The following LCOR variants were observed in gnomAD, a reference collection of about 807,000 sequenced individuals.
LCOR encodes ligand-dependent corepressor.
A neutral mutation model predicts 64.4 loss-of-function variants in LCOR; 14 were observed. The ratio of observed to expected loss-of-function variants is 0.22; its 90% CI spans 0.14 to 0.34. LCOR has a LOEUF of 0.34. Ranked by LOEUF, LCOR falls within the 10% of genes least tolerant of loss-of-function variation. LCOR has a pLI of 1.00. For synonymous variants in LCOR, 643 were observed against 642.5 expected, an observed-to-expected ratio of 1.00 and a Z score of -0.01; for missense variants, 1,686 against 1,765.3, an observed-to-expected ratio of 0.96 and a Z score of 0.80.
chr10:96,886,669 C>T (rs1846349379), intron 2 of LCOR, among the ~76,000 whole-genome samples: 1 of 146,818 alleles, frequency 6.8e-6, no homozygotes, highest in South Asian at 2.1e-4. Flanking sequence ...ATGGCATGAC[C>T]TTATACTTAC....
intron 2 of LCOR, among the ~76,000 whole-genome samples, chr10:96,887,809 T>A (rs1473213616): frequency 2.7e-5 from 4 of 150,898 alleles, no homozygotes; most frequent in Admixed American, 6.6e-5. Flanking sequence ...GCCTCCCGAG[T>A]AGCTGTGATT....
intron 2 of LCOR, among the ~76,000 whole-genome samples, chr10:96,901,907 C>G (rs1046377898): frequency 1.3e-5 from 2 of 152,098 alleles, no homozygotes; most frequent in African/African-American, 4.8e-5. Flanking sequence ...GTAGTTGGGA[C>G]TACAGGTGTG....
At chr10:96,975,992 G>A (rs190872828) in intron 7 of LCOR, among the ~76,000 whole-genome samples, 4 of 152,238 alleles carry the variant, frequency 2.6e-5, no homozygotes, top group Admixed American at 1.3e-4. Context: ...TCCAGCCTAG[G>A]CAACAACAGC....
intron 4 of LCOR, chr10:96,915,675 T>C: frequency 1.3e-6 from 1 of 790,584 alleles, no homozygotes; most frequent in Non-Finnish European, 2.2e-6. Flanking sequence ...CCTGGTCTGA[T>C]TTGGCATTTC....
chr10:96,982,462 T>C lies in LCOR; in HGVS notation c.2002T>C (p.Cys668Arg). The change falls in exon 8 of 8, where the codon TGT (cysteine) becomes CGT (arginine). Residue 668 changes from cysteine (C) to arginine (R), a missense_variant. Physicochemically the swap from Cys to Arg is radical, Grantham distance 180 (BLOSUM62 -3). Transcript: ENST00000421806. ...GGAGGAGATGAGTGTACCCCAGGAC[T>C]GTCACCTCCTTCCCTCCACTGAAAG... ...DTEEMSVPQD[C>R]HLLPSTESFS... 6.2e-7 allele frequency: 1 copy of C among 1,614,226 alleles called. No homozygotes were observed. Among genetic ancestry groups the C allele is most frequent in the Admixed American group, 1.7e-5 (1 of 60,034 alleles).
chr10:96,881,034 TGACTG>T (rs889648916), intron 2 of LCOR, among the ~76,000 whole-genome samples: 2 of 152,242 alleles, frequency 1.3e-5, no homozygotes. Context: ...AGGCTCATCT[TGACTG>T]GTCTGTTTTT....
chr10:96,865,192 T>G (rs990313949), intron 2 of LCOR, among the ~76,000 whole-genome samples: 10 of 152,198 alleles, frequency 6.6e-5, no homozygotes, highest in Non-Finnish European at 1.5e-4. Context: ...TATAAAAATT[T>G]ATATTTTCGT....
chr10:96,969,442 C>T (rs973238669), intron 7 of LCOR, among the ~76,000 whole-genome samples: 1 of 152,148 alleles, frequency 6.6e-6, no homozygotes, highest in Non-Finnish European at 1.5e-5. Context: ...GTAGAAGATG[C>T]TTAAGATTAG....
At chr10:96,886,740 A>G (rs1846350659) in intron 2 of LCOR, among the ~76,000 whole-genome samples, 1 of 152,218 alleles carries the variant, frequency 6.6e-6, no homozygotes. Context: ...TGTAAACTCT[A>G]CATCTTTTCC....
Position 96,837,743 on chromosome 10 carries a change from T to C in LCOR, c.-330+4264T>C, listed in dbSNP as rs150736480. Among the ~76,000 whole-genome samples the C allele has an allele frequency of 4.8e-4, 73 of 152,360 alleles. 2 individuals carry two copies. In the East Asian group the frequency reaches 0.013, roughly 28 times the overall value. On this transcript the variant is annotated intron_variant, in intron 2 of 7. Transcript: ENST00000421806. Reference sequence around the variant, plus strand: ...TTGGTATTTGGAAAGAGTCAAAAAGTATTTGCTGTGAAATGTGGCAATTAA... The same window carrying C: ...TTGGTATTTGGAAAGAGTCAAAAAGCATTTGCTGTGAAATGTGGCAATTAA...
intron 7 of LCOR, among the ~76,000 whole-genome samples, chr10:96,970,273 C>G (rs1466488383): frequency 6.6e-6 from 1 of 152,030 alleles, no homozygotes; most frequent in African/African-American, 2.4e-5. Flanking sequence ...TGGCGCTTGC[C>G]TGTAGTCCTA....
At position 96,895,320 on chromosome 10, in the gene LCOR, G is replaced by A. The variant is rs952399674; in HGVS notation, c.-329-11945G>A. On this transcript the variant is annotated intron_variant, in intron 2 of 7. Transcript: ENST00000421806. ...CTCAGTTCACAGACCAAAAGTGTAA[G>A]TGTCATTTTCCCTCACATTCCACAT... is the stretch of plus-strand genomic sequence containing the variant. Among the ~76,000 whole-genome samples, 7 of 152,136 alleles carry A rather than the reference G, an allele frequency of 4.6e-5. No individual in the cohort carries two copies. In the East Asian group the frequency reaches 1.3e-3, roughly 29 times the overall value.
At chr10:96,944,537 T>G (rs1018854450) in intron 5 of LCOR, among the ~76,000 whole-genome samples, 3 of 151,928 alleles carry the variant, frequency 2.0e-5, no homozygotes, top group Non-Finnish European at 2.9e-5. Context: ...TTAGACAACT[T>G]TTCTTATGGA....
At chr10:96,855,056 G>A (rs1197027617) in intron 2 of LCOR, among the ~76,000 whole-genome samples, 1 of 152,140 alleles carries the variant, frequency 6.6e-6, no homozygotes, top group East Asian at 1.9e-4. Flanking sequence ...ATTTGGATGA[G>A]GCTGACTTAC....
At chr10:96,837,491 C>T (rs1180975821) in intron 2 of LCOR, among the ~76,000 whole-genome samples, 1 of 151,672 alleles carries the variant, frequency 6.6e-6, no homozygotes. Flanking sequence ...CTCCTGACCT[C>T]GTGATCCACC....
At chr10:96,970,257 G>T (rs997587888) in intron 7 of LCOR, among the ~76,000 whole-genome samples, 3 of 152,008 alleles carry the variant, frequency 2.0e-5, no homozygotes, top group African/African-American at 7.2e-5. Flanking sequence ...AAATAACCGG[G>T]TGTGGTGGCG....
Position 96,949,289 on chromosome 10 carries a change from G to T in LCOR, c.232G>T (p.Glu78Ter). 6.2e-7 allele frequency: 1 copy of T among 1,613,774 alleles called. No homozygotes were observed. The highest frequency in any genetic ancestry group is 1.1e-5 in the South Asian group (1 of 91,026). The change falls in exon 6 of 8, where the codon GAA becomes TAA. Residue 78 changes from glutamate to a stop codon, truncating the protein, a stop_gained. Coordinates refer to ENST00000421806, the MANE Select transcript of LCOR (RefSeq NM_001346516.2). LOFTEE classifies it high-confidence loss of function. The part of the protein sequence containing the change: ...TVRKSQSEPS[E>*]QDGVLDLSTK... ...CAGAAAGTCTCAGTCAGAACCTAGCGAACAAGGTATGGTTTGATGTCAAGG... is the reference window on the plus strand; with the variant it reads ...CAGAAAGTCTCAGTCAGAACCTAGCTAACAAGGTATGGTTTGATGTCAAGG...
At chr10:96,851,132 T>C (rs1013616314) in intron 2 of LCOR, among the ~76,000 whole-genome samples, 1 of 152,226 alleles carries the variant, frequency 6.6e-6, no homozygotes, top group Non-Finnish European at 1.5e-5. Context: ...TCTTTTCTGA[T>C]TGGTTTCACA....
rs116630555 is a variant in LCOR, at chr10:96,872,294, A to C, written c.-329-34971A>C. Among the ~76,000 whole-genome samples, 502 of 152,374 alleles carry C rather than the reference A, an allele frequency of 3.3e-3. 3 individuals carry two copies. Among genetic ancestry groups the C allele is most frequent in the African/African-American group, 0.012 (483 of 41,598 alleles). On this transcript the variant is annotated intron_variant, in intron 2 of 7. Coordinates refer to ENST00000421806, the MANE Select transcript of LCOR (RefSeq NM_001346516.2). ...ATATACCATCGGTATCAGCAGCCACACAGTTTAGCCTTTGTCACTATGAGA... is the reference window on the plus strand; with the variant it reads ...ATATACCATCGGTATCAGCAGCCACCCAGTTTAGCCTTTGTCACTATGAGA...
Sources: gnomAD v4.1 joint callset for allele counts (sites outside exome capture counted in the v4.1 genomes callset) on GRCh38, gnomAD v4.1.1 for gene constraint, MANE v1.5 for transcripts, NCBI Gene and HGNC (gene_info 2026-07-23, HGNC 2026-07-21) for gene names.